Variants in G2E3 observed in about 807,000 individuals in gnomAD.
G2E3 encodes G2/M-phase specific E3 ubiquitin protein ligase, also known as G2/M phase-specific E3 ubiquitin-protein ligase.
G2E3 carries 35 observed loss-of-function variants against 92.8 expected under a neutral mutation model. The observed-to-expected ratio is 0.38, with a 90% confidence interval of 0.29 to 0.50. G2E3 has a LOEUF of 0.50. Among genes scored for constraint, G2E3 ranks in the 20% least tolerant of loss-of-function variants. G2E3 has a pLI of 0.94. For synonymous variants in G2E3, 242 were observed against 272.4 expected (o/e 0.89, Z 1.10); for missense variants, 554 against 823.8 (o/e 0.67, Z 4.01).
chr14:30,604,202 A>G (rs1271918377), intron 10 of G2E3, among the ~76,000 whole-genome samples: 3 of 152,232 alleles, frequency 2.0e-5, no homozygotes, highest in Non-Finnish European at 2.9e-5. Flanking sequence ...TCAACCTGCT[A>G]TAAAAAAGGT....
chr14:30,569,028 G>C (rs904972816), intron 1 of G2E3, among the ~76,000 whole-genome samples: 1 of 152,046 alleles, frequency 6.6e-6, no homozygotes, highest in African/African-American at 2.4e-5. Flanking sequence ...ATTCTTGTCT[G>C]TCTCCTGGAT....
At chr14:30,594,105 TAAAAATATTGG>T (rs1198613314) in intron 6 of G2E3, among the ~76,000 whole-genome samples, 1 of 152,196 alleles carries the variant, frequency 6.6e-6, no homozygotes, top group South Asian at 2.1e-4. Context: ...GTCAATTAAT[TAAAAATATTGG>T]TTCTTTGAGA....
intron 6 of G2E3, among the ~76,000 whole-genome samples, chr14:30,595,550 G>C (rs2138861521): frequency 6.6e-6 from 1 of 152,226 alleles, no homozygotes; most frequent in Middle Eastern, 3.4e-3. Context: ...AAAAAGACTA[G>C]GTCTACTTTA....
intron 3 of G2E3, among the ~76,000 whole-genome samples, 191 bp from the exon 4 acceptor site, chr14:30,589,192 A>C (rs1303403080): frequency 1.3e-5 from 2 of 152,096 alleles, no homozygotes; most frequent in African/African-American, 4.8e-5. Context: ...GATAATATAC[A>C]GTGCCATCTA....
intron 5 of G2E3, 90 bp downstream of exon 5, chr14:30,592,537 T>C: frequency 9.9e-7 from 1 of 1,014,482 alleles, no homozygotes; most frequent in Non-Finnish European, 1.4e-6. Flanking sequence ...CAATAAATTT[T>C]CTGTTTAGAG....
At chr14:30,598,080 T>C (rs1881377023) in intron 7 of G2E3, 2 of 172,742 alleles carry the variant, frequency 1.2e-5, no homozygotes, top group South Asian at 1.4e-4. Context: ...CTCCTAAGTA[T>C]ATAAAAGTTT....
At chr14:30,614,530 C>T (rs1350694169) in intron 13 of G2E3, among the ~76,000 whole-genome samples, 1 of 152,152 alleles carries the variant, frequency 6.6e-6, no homozygotes, top group Non-Finnish European at 1.5e-5. Flanking sequence ...AGGGCGGAGC[C>T]CTTGTGACCT....
At chr14:30,571,461 A>T (rs1879757452) in intron 1 of G2E3, among the ~76,000 whole-genome samples, 1 of 151,774 alleles carries the variant, frequency 6.6e-6, no homozygotes, top group South Asian at 2.1e-4. Flanking sequence ...CTTAATTTTG[A>T]TGTTTAATTC....
intron 8 of G2E3, 83 bp downstream of exon 8, chr14:30,598,682 G>A: frequency 2.4e-5 from 21 of 889,384 alleles, no homozygotes; most frequent in South Asian, 2.1e-4. Flanking sequence ...TTAGTGAAAC[G>A]TAGTTTTTCT....
rs229230 is a variant in G2E3 at position 30,608,189 on chromosome 14, A to T, written c.1500+120A>T. On this transcript the variant is annotated intron_variant, in intron 12 of 14. Coordinates refer to ENST00000206595, the MANE Select transcript of G2E3 (RefSeq NM_017769.5). ...TGAAGGAGTTAGGGATTGTAAACAT[A>T]TATTTCTGTTTACCAGTGGAGTTCT... is the stretch of plus-strand genomic sequence containing the variant. 3,288 of 595,264 alleles carry T rather than the reference A, an allele frequency of 5.5e-3. 110 individuals carry two copies. In the African/African-American group the frequency reaches 0.057, roughly 10 times the overall value. 36.9% of individuals were successfully genotyped at this position (595,264 alleles called of 1,614,324 possible).
intron 8 of G2E3, among the ~76,000 whole-genome samples, chr14:30,601,033 A>G (rs891351345): frequency 6.6e-6 from 1 of 152,178 alleles, no homozygotes; most frequent in Non-Finnish European, 1.5e-5. Context: ...CAGGACAGAA[A>G]TTAACATACG....
chr14:30,590,671 G>C, intron 4 of G2E3: 1 of 455,842 alleles, frequency 2.2e-6, no homozygotes, highest in Non-Finnish European at 4.4e-6. Flanking sequence ...GAAGGTAGGA[G>C]AGTTAATGGT....
At position 30,616,564 on chromosome 14, in the gene G2E3, T is replaced by A; in HGVS notation, c.*30T>A. The A allele has an allele frequency of 1.3e-6, 2 of 1,505,014 alleles. No homozygotes were observed. Among genetic ancestry groups the A allele is most frequent in the Non-Finnish European group, 1.8e-6 (2 of 1,104,412 alleles). 93.2% of individuals were successfully genotyped at this position (1,505,014 alleles called of 1,614,324 possible). A position where few individuals can be genotyped will look rare whatever the true frequency, so the allele number is the denominator to read the frequency against. On this transcript the variant is annotated 3_prime_UTR_variant, in exon 15 of 15. Coordinates refer to ENST00000206595, the MANE Select transcript of G2E3 (RefSeq NM_017769.5). ...TTTCCTTGAACAAAGAGAAGCTTCTTTAAAAGCTGCTATTGATAACTCTCT... is the reference window on the plus strand; with the variant it reads ...TTTCCTTGAACAAAGAGAAGCTTCTATAAAAGCTGCTATTGATAACTCTCT...
At chr14:30,594,848 G>A (rs1245237968) in intron 6 of G2E3, among the ~76,000 whole-genome samples, 3 of 151,246 alleles carry the variant, frequency 2.0e-5, no homozygotes, top group Non-Finnish European at 4.4e-5. Context: ...CAGGATGAAG[G>A]CAGGGCACAG....
chr14:30,612,404 G>A lies in G2E3; in HGVS notation c.1673+25G>A, dbSNP rs201971360. The A allele has an allele frequency of 7.9e-4, 1,111 of 1,408,886 alleles. 10 individuals carry two copies. The highest frequency in any genetic ancestry group is 1.6e-3 in the Admixed American group (76 of 46,486). 87.3% of individuals were successfully genotyped at this position (1,408,886 alleles called of 1,614,324 possible). ...GGTAAGTTGTTTCTATTAATATATG[G>A]CTCTTTCAAATTACATGTTTAAAGT... On this transcript the variant is annotated intron_variant, in intron 13 of 14. Coordinates refer to ENST00000206595, the MANE Select transcript of G2E3 (RefSeq NM_017769.5).
At chr14:30,595,265 C>T (rs868657380) in intron 6 of G2E3, among the ~76,000 whole-genome samples, 51 of 152,198 alleles carry the variant, frequency 3.4e-4, no homozygotes, top group Middle Eastern at 6.8e-3. Flanking sequence ...GAAGTGTTAT[C>T]CTTACCTGTT....
At chr14:30,593,176 A>ACC (rs1475421643) in intron 5 of G2E3, among the ~76,000 whole-genome samples, 7 of 152,166 alleles carry the variant, frequency 4.6e-5, no homozygotes, top group Non-Finnish European at 7.4e-5. Flanking sequence ...TTTGTTGAAT[A>ACC]CAATAATGTA....
At chr14:30,585,088 C>T (rs1252259068) in intron 2 of G2E3, among the ~76,000 whole-genome samples, 1 of 152,044 alleles carries the variant, frequency 6.6e-6, no homozygotes, top group African/African-American at 2.4e-5. Context: ...CCCGCCTGGG[C>T]CTCCCAAAGT....
At chr14:30,587,043 TTTTC>T (rs1217506241) in intron 3 of G2E3, among the ~76,000 whole-genome samples, 1 of 152,184 alleles carries the variant, frequency 6.6e-6, no homozygotes. Flanking sequence ...GTTTGTTTGT[TTTTC>T]TTTCTTTCTG....
Sources: gnomAD v4.1 joint callset for allele counts (sites outside exome capture counted in the v4.1 genomes callset) on GRCh38, gnomAD v4.1.1 for gene constraint, MANE v1.5 for transcripts, NCBI Gene and HGNC (gene_info 2026-07-23, HGNC 2026-07-21) for gene names.